CNTN6: variants seen among roughly 807,000 people sequenced by gnomAD.
The protein encoded by CNTN6 is contactin 6.
CNTN6 carries 137 observed loss-of-function variants against 122.8 expected under a neutral mutation model. The observed-to-expected ratio is 1.12, with a 90% CI of 0.97 to 1.29. The LOEUF is 1.29. Ranked by LOEUF, CNTN6 falls within the 50% of genes most tolerant of loss-of-function variation. The pLI, the probability that CNTN6 is intolerant of heterozygous loss-of-function variation, is 0.00. For missense variants in CNTN6, 1,634 were observed against 1,223.4 expected (o/e 1.34, Z -5.01); for synonymous variants, 570 against 426.0 (o/e 1.34, Z -4.16).
chr3:1,242,229 T>C (rs1050560064), intron 4 of CNTN6, among the ~76,000 whole-genome samples: 9 of 151,750 alleles, frequency 5.9e-5, no homozygotes, highest in African/African-American at 1.2e-4. Flanking sequence ...AGGGTCAGTC[T>C]AAGTGAAAGC....
At chr3:1,348,226 T>G (rs527895211) in intron 11 of CNTN6, among the ~76,000 whole-genome samples, 61 of 143,458 alleles carry the variant, frequency 4.3e-4, no homozygotes, top group Non-Finnish European at 7.5e-5. Context: ...AATCAAATGT[T>G]GGGATTCAGA....
chr3:1,255,164 A>G (rs1268328774), intron 4 of CNTN6, among the ~76,000 whole-genome samples: 1 of 152,146 alleles, frequency 6.6e-6, no homozygotes, highest in Non-Finnish European at 1.5e-5. Flanking sequence ...GCTCAGAACC[A>G]ATATATTGTC....
intron 7 of CNTN6, among the ~76,000 whole-genome samples, chr3:1,316,819 C>T (rs1487097794): frequency 6.6e-6 from 1 of 151,804 alleles, no homozygotes; most frequent in African/African-American, 2.4e-5. Flanking sequence ...TTTTGTTTTT[C>T]ATTGATTCCA....
intron 4 of CNTN6, among the ~76,000 whole-genome samples, chr3:1,239,095 T>C (rs142095056): frequency 3.4e-4 from 51 of 152,108 alleles, no homozygotes; most frequent in African/African-American, 1.2e-3. Context: ...ACCAGTAAGA[T>C]ATAGAACTGG....
chr3:1,151,807 A>G (rs1276072187), intron 2 of CNTN6, among the ~76,000 whole-genome samples: 2 of 152,196 alleles, frequency 1.3e-5, no homozygotes, highest in Non-Finnish European at 2.9e-5. Context: ...AGGTTGAGTT[A>G]GTAACAGAAC....
intron 1 of CNTN6, among the ~76,000 whole-genome samples, chr3:1,134,429 G>A (rs2092420410): frequency 6.6e-6 from 1 of 152,090 alleles, no homozygotes; most frequent in African/African-American, 2.4e-5. Context: ...CCTTGGGGAA[G>A]CTCTGCAGAA....
At chr3:1,195,816 T>C (rs2093769064) in intron 2 of CNTN6, among the ~76,000 whole-genome samples, 1 of 152,200 alleles carries the variant, frequency 6.6e-6, no homozygotes, top group Admixed American at 6.5e-5. Flanking sequence ...TATAATCTTA[T>C]TTCTACATTT....
At chr3:1,114,055 A>T (rs1209055353) in intron 1 of CNTN6, among the ~76,000 whole-genome samples, 1 of 152,176 alleles carries the variant, frequency 6.6e-6, no homozygotes, top group East Asian at 1.9e-4. Context: ...GAAAGAGATG[A>T]TTTCCAGCTC....
chr3:1,151,741 C>G (rs1299709563), intron 2 of CNTN6, among the ~76,000 whole-genome samples: 1 of 152,166 alleles, frequency 6.6e-6, no homozygotes, highest in Non-Finnish European at 1.5e-5. Flanking sequence ...AACTGAGATT[C>G]TGCCCCTTGT....
At chr3:1,345,545 A>C (rs1704558830) in intron 11 of CNTN6, among the ~76,000 whole-genome samples, 1 of 152,214 alleles carries the variant, frequency 6.6e-6, no homozygotes, top group African/African-American at 2.4e-5. Flanking sequence ...TGTTAAAATA[A>C]GAAATTTTTA....
At chr3:1,394,965 C>T (rs893131135) in intron 20 of CNTN6, among the ~76,000 whole-genome samples, 1 of 152,154 alleles carries the variant, frequency 6.6e-6, no homozygotes, top group Admixed American at 6.5e-5. Flanking sequence ...AAATTCTAAA[C>T]TGAAGATTAG....
At chr3:1,295,398 C>T (rs1696036154) in intron 5 of CNTN6, among the ~76,000 whole-genome samples, 1 of 152,020 alleles carries the variant, frequency 6.6e-6, no homozygotes, top group African/African-American at 2.4e-5. Context: ...GGAAAGTGCC[C>T]ACATAATTTA....
intron 4 of CNTN6, among the ~76,000 whole-genome samples, chr3:1,266,704 T>G (rs2094931139): frequency 6.6e-6 from 1 of 152,170 alleles, no homozygotes; most frequent in Non-Finnish European, 1.5e-5. Flanking sequence ...AAACCACTCT[T>G]TCCAAGTGAC....
Position 1,227,917 on chromosome 3 carries a change from T to C in CNTN6, c.282T>C (p.Asp94=). 1.2e-6 allele frequency: 2 copies of C among 1,614,118 alleles called. No individual in the cohort carries two copies. The highest frequency in any genetic ancestry group is 1.7e-6 in the Non-Finnish European group (2 of 1,179,984). The change falls in exon 4 of 23, where the codon GAT becomes GAC. Residue 94 remains aspartate (D), a synonymous_variant. Coordinates refer to ENST00000446702, the MANE Select transcript of CNTN6 (RefSeq NM_001289080.2). ...LAINSPHTDQ[D]IGMYQCLATN... Reference sequence around the variant, plus strand: ...TCAATAGCCCCCACACAGATCAAGATATTGGCATGTACCAGTGCCTGGCCA... The same window carrying C: ...TCAATAGCCCCCACACAGATCAAGACATTGGCATGTACCAGTGCCTGGCCA...
intron 12 of CNTN6, among the ~76,000 whole-genome samples, chr3:1,371,418 A>G (rs144272079): frequency 5.4e-4 from 82 of 152,226 alleles, no homozygotes; most frequent in African/African-American, 2.0e-3. Flanking sequence ...TATTCTTGGT[A>G]AGATGGTACA....
At chr3:1,275,563 C>T (rs1404782986) in intron 4 of CNTN6, among the ~76,000 whole-genome samples, 1 of 152,056 alleles carries the variant, frequency 6.6e-6, no homozygotes, top group African/African-American at 2.4e-5. Context: ...TAAGAGTCAC[C>T]CCATCAGGTT....
At chr3:1,270,409 C>T (rs2095004113) in intron 4 of CNTN6, among the ~76,000 whole-genome samples, 1 of 152,084 alleles carries the variant, frequency 6.6e-6, no homozygotes, top group South Asian at 2.1e-4. Context: ...CTGAAAGTTG[C>T]ATATATCATA....
intron 5 of CNTN6, among the ~76,000 whole-genome samples, chr3:1,289,296 C>T (rs576851528): frequency 6.6e-6 from 1 of 152,066 alleles, no homozygotes; most frequent in Non-Finnish European, 1.5e-5. Flanking sequence ...CTGGGAGGAG[C>T]CAGCCCATGG....
intron 20 of CNTN6, among the ~76,000 whole-genome samples, chr3:1,388,046 G>GT (rs551277926): frequency 0.014 from 2,062 of 152,252 alleles, 35 homozygotes; most frequent in African/African-American, 0.038. Context: ...AGCTCCAACT[G>GT]GGTGGAGCCC....
Sources: allele counts gnomAD v4.1 joint callset (sites outside exome capture counted in the v4.1 genomes callset), GRCh38; gene constraint gnomAD v4.1.1; transcripts MANE v1.5; gene names NCBI Gene and HGNC (gene_info 2026-07-23, HGNC 2026-07-21).